Variants in RILP observed in about 807,000 individuals in gnomAD.
The protein encoded by RILP is rab-interacting lysosomal protein.
RILP carries 53 observed loss-of-function variants against 40.0 expected under a neutral mutation model. The observed-to-expected ratio is 1.32, with a 90% CI of 1.06 to 1.66. RILP has a LOEUF of 1.66. RILP is among the 40% of genes most tolerant of loss of function. The pLI is 0.00. For missense variants in RILP, 626 were observed against 551.7 expected (o/e 1.13, Z -1.35); for synonymous variants, 272 against 250.6 (o/e 1.09, Z -0.80).
Position 1,648,451 on chromosome 17 carries a change from C to G in RILP, c.720G>C (p.Gln240His). The G allele has an allele frequency of 6.2e-7, 1 of 1,614,052 alleles. No homozygotes were observed. The change falls in exon 5 of 8, where the codon CAG becomes CAC. Residue 240 changes from glutamine (Q) to histidine (H), a missense_variant. Coordinates refer to ENST00000301336, the MANE Select transcript of RILP (RefSeq NM_031430.3). The surrounding 1 kb of genome is among the most constrained non-coding windows in gnomAD (Gnocchi z 4.9). ...CAAACTCCTCCCGACTGAAGCGGCACTGCCCTGCCTCCGAGGGGCGCCCGA... is the reference window on the plus strand; with the variant it reads ...CAAACTCCTCCCGACTGAAGCGGCAGTGCCCTGCCTCCGAGGGGCGCCCGA... Reference protein sequence around the residue: ...QQLGRPSEAGQCRFSREEFEQ... With the variant: ...QQLGRPSEAGHCRFSREEFEQ...
rs61735419 is a variant in RILP at position 1,647,929 on chromosome 17, C to T, written c.850G>A (p.Gly284Ser). 51,804 of 1,614,020 alleles carry T rather than the reference C, an allele frequency of 0.032. 954 individuals are homozygous for T. The highest frequency in any genetic ancestry group is 0.041 in the Middle Eastern group (247 of 6,060). ...ACCTTCATGGCCTCGAGCAGAAGGC[C>T]GGGGACCCGGTGGTCTGTGAGCAGC... ...RELLTDHRVP[G>S]LLLEAMKVAV... The change falls in exon 6 of 8, where the codon GGC becomes AGC. Residue 284 changes from glycine to serine, a missense_variant. Physicochemically the swap from Gly to Ser is moderately conservative, Grantham distance 56. Transcript: ENST00000301336.
rs1910780331 is a variant in RILP at position 1,648,974 on chromosome 17, G to T, written c.500C>A (p.Thr167Asn). ...GCGGTCCTGCGCGGCGCGCAGCTGG[G>T]TCTGCATGGCCGCCAGCTTGTGCCG... ...ELRHKLAAMQ[T>N]QLRAAQDRER... The change falls in exon 4 of 8, where the codon ACC (threonine) becomes AAC (asparagine). Residue 167 changes from threonine (T) to asparagine (N), a missense_variant. By Grantham distance (65) the Thr-to-Asn change is moderately conservative. Transcript: ENST00000301336. This position sits in a 1 kb window ranked among gnomAD's most constrained non-coding sequence, Gnocchi z 4.9. 6.7e-7 allele frequency: 1 copy of T among 1,498,124 alleles called. No homozygotes were observed. The allele number at this position is 1,498,124 out of a possible 1,614,324, so 92.8% of individuals were successfully genotyped here.
At position 1,647,967 on chromosome 17, in the gene RILP, A is replaced by C; in HGVS notation, c.822-10T>G. ...GTCTGTGAGCAGCTCCCTAAAGAAA[A>C]GGGGCAGGGAGGGAGAAAGCCCTGG... On this transcript the variant is annotated splice_polypyrimidine_tract_variant and intron_variant, in intron 5 of 7. Coordinates refer to ENST00000301336, the MANE Select transcript of RILP (RefSeq NM_031430.3). 1 of 1,613,404 alleles carries C rather than the reference A, an allele frequency of 6.2e-7. No individual in the cohort carries two copies. Among genetic ancestry groups the C allele is most frequent in the Non-Finnish European group, 8.5e-7 (1 of 1,179,896 alleles).
Position 1,649,727 on chromosome 17 carries a change from C to T in RILP, c.78G>A (p.Glu26=), listed in dbSNP as rs754813569. 1.3e-6 allele frequency: 2 copies of T among 1,591,698 alleles called. No individual in the cohort carries two copies. The highest frequency in any genetic ancestry group is 1.7e-5 in the Admixed American group (1 of 59,114). Reference sequence around the variant, plus strand: ...GGGCCCCGGCTAGATGGTACACAAGCTCCGCGGCCGATGCCGACCCCGCGG... The same window carrying T: ...GGGCCCCGGCTAGATGGTACACAAGTTCCGCGGCCGATGCCGACCCCGCGG... ...REAAGSASAA[E]LVYHLAGALG... The change falls in exon 1 of 8, where the codon GAG becomes GAA. Residue 26 remains glutamate (E), a synonymous_variant. Transcript: ENST00000301336. This position sits in a 1 kb window ranked among gnomAD's most constrained non-coding sequence, Gnocchi z 4.3.
Position 1,647,959 on chromosome 17 carries a change from T to A in RILP, c.822-2A>T. On this transcript the variant is annotated splice_acceptor_variant, in intron 5 of 7. Coordinates refer to ENST00000301336, the MANE Select transcript of RILP (RefSeq NM_031430.3). LOFTEE classifies it high-confidence loss of function. ...ACCCGGTGGTCTGTGAGCAGCTCCC[T>A]AAAGAAAAGGGGCAGGGAGGGAGAA... The A allele has an allele frequency of 6.2e-7, 1 of 1,613,692 alleles. No homozygotes were observed. The highest frequency in any genetic ancestry group is 8.5e-7 in the Non-Finnish European group (1 of 1,179,910).
Position 1,649,044 on chromosome 17 carries a change from A to G in RILP, c.430T>C (p.Leu144=). The change falls in exon 4 of 8, where the codon TTG becomes CTG. Residue 144 remains leucine, a splice_region_variant and synonymous_variant. Transcript: ENST00000301336. The surrounding 1 kb of genome is among the most constrained non-coding windows in gnomAD (Gnocchi z 4.3). ...LRQRGQETEA[L]QEQLQRLLLV... ...AGGAGGCGCTGCAGCTGCTCCTGCA[A>G]CTGGGAGCGGAGCAAAGGGTGGGGT... 1.2e-5 allele frequency: 7 copies of G among 564,482 alleles called. No individual in the cohort carries two copies. The highest frequency in any genetic ancestry group is 1.7e-5 in the Non-Finnish European group (7 of 402,378). 35.0% of individuals were successfully genotyped at this position (564,482 alleles called of 1,614,324 possible). A position where few individuals can be genotyped will look rare whatever the true frequency, so the allele number is the denominator to read the frequency against.
In RILP at chr17:1,648,104, A is replaced by G. The variant is rs1910720386; in HGVS notation, c.822-147T>C. 4.9e-6 allele frequency: 6 copies of G among 1,223,046 alleles called. No homozygotes were observed. In the South Asian group the frequency reaches 5.8e-5, roughly 12 times the overall value. The allele number at this position is 1,223,046 out of a possible 1,614,324, so 75.8% of individuals were successfully genotyped here. On this transcript the variant is annotated intron_variant, in intron 5 of 7. Coordinates refer to ENST00000301336, the MANE Select transcript of RILP (RefSeq NM_031430.3). This position sits in a 1 kb window ranked among gnomAD's most constrained non-coding sequence, Gnocchi z 4.9. ...ACGGGAAGCGCTCTGCCTTGCTGAC[A>G]CCCTCAGACCTTAAATTAGGTGGCC... is the stretch of plus-strand genomic sequence containing the variant.
At position 1,649,373 on chromosome 17, in the gene RILP, G is replaced by C; in HGVS notation, c.322+39C>G. ...CGGGAGGGAGGGGAGGACCCGAGCA[G>C]GTCGTCACCCGCCCTGCCCTGGCCG... On this transcript the variant is annotated intron_variant, in intron 2 of 7. Transcript: ENST00000301336. The surrounding 1 kb of genome is among the most constrained non-coding windows in gnomAD (Gnocchi z 4.3). 2.0e-6 allele frequency: 3 copies of C among 1,494,642 alleles called. No homozygotes were observed. Among genetic ancestry groups the C allele is most frequent in the African/African-American group, 1.5e-5 (1 of 68,790 alleles). 92.6% of individuals were successfully genotyped at this position (1,494,642 alleles called of 1,614,324 possible). A position where few individuals can be genotyped will look rare whatever the true frequency, so the allele number is the denominator to read the frequency against.
At chr17:1,647,082 C>A in intron 6 of RILP, 93 bp from the exon 7 acceptor site, 1 of 751,188 alleles carries the variant, frequency 1.3e-6, no homozygotes, top group East Asian at 3.0e-5. Flanking sequence ...GACTGCAGGG[C>A]CCCCGGGGCT....
Position 1,647,870 on chromosome 17 carries a change from G to A in RILP, c.909C>T (p.Ala303=), listed in dbSNP as rs1248481832. 6.2e-7 allele frequency: 1 copy of A among 1,614,000 alleles called. No homozygotes were observed. Among genetic ancestry groups the A allele is most frequent in the East Asian group, 2.2e-5 (1 of 44,890 alleles). ...CTTCCTCTGGTGTCCCTAACATCTTGGCCTTGATCTTCTTCCGCTGCTTCC... is the reference window on the plus strand; with the variant it reads ...CTTCCTCTGGTGTCCCTAACATCTTAGCCTTGATCTTCTTCCGCTGCTTCC... The part of the protein sequence containing the change: ...AVRKQRKKIK[A]KMLGTPEEAE... Residue 303 remains alanine, a synonymous_variant, in exon 6 of 8, where the codon GCC becomes GCT. Coordinates refer to ENST00000301336, the MANE Select transcript of RILP (RefSeq NM_031430.3).
chr17:1,646,978 G>A lies in RILP; in HGVS notation c.956C>T (p.Ala319Val). The change falls in exon 7 of 8, where the codon GCT (alanine) becomes GTT (valine). Residue 319 changes from alanine to valine, a missense_variant. Ala to Val is a moderately conservative substitution (Grantham distance 64). Transcript: ENST00000301336. The surrounding 1 kb of genome is among the most constrained non-coding windows in gnomAD (Gnocchi z 4.3). ...PEEAESSEDE[A>V]GPWILLSDDK... ...ATCGGAGAGCAGGATCCATGGGCCA[G>A]CCTCATCCTCACTGAGACAGAGGAG... 2 of 1,606,912 alleles carry A rather than the reference G, an allele frequency of 1.2e-6. No individual in the cohort carries two copies. Among genetic ancestry groups the A allele is most frequent in the South Asian group, 2.2e-5 (2 of 90,012 alleles).
rs1910777728 is a variant in RILP at position 1,648,951 on chromosome 17, G to A, written c.523C>T (p.Arg175Cys). 1 of 1,513,270 alleles carries A rather than the reference G, an allele frequency of 6.6e-7. No homozygotes were observed. The highest frequency in any genetic ancestry group is 8.8e-7 in the Non-Finnish European group (1 of 1,137,870). The allele number at this position is 1,513,270 out of a possible 1,614,324, so 93.7% of individuals were successfully genotyped here. Residue 175 changes from arginine (R) to cysteine (C), a missense_variant, in exon 4 of 8, where the codon CGC becomes TGC. Coordinates refer to ENST00000301336, the MANE Select transcript of RILP (RefSeq NM_031430.3). The surrounding 1 kb of genome is among the most constrained non-coding windows in gnomAD (Gnocchi z 4.9). ...MQTQLRAAQD[R>C]ERERQQPGEA... is the part of the protein sequence containing the mutation. Reference sequence around the variant, plus strand: ...CCAGGCTGCTGGCGCTCCCTCTCGCGGTCCTGCGCGGCGCGCAGCTGGGTC... The same window carrying A: ...CCAGGCTGCTGGCGCTCCCTCTCGCAGTCCTGCGCGGCGCGCAGCTGGGTC...
Position 1,649,541 on chromosome 17 carries a change from G to C in RILP, c.228+36C>G. On this transcript the variant is annotated intron_variant, in intron 1 of 7. Coordinates refer to ENST00000301336, the MANE Select transcript of RILP (RefSeq NM_031430.3). This position sits in a 1 kb window ranked among gnomAD's most constrained non-coding sequence, Gnocchi z 4.3. ...CCGGGTCTCAGGCTTCGGCCCTGCC[G>C]GCCCCGTGGGTGGCGAAGGGAGGGC... The C allele has an allele frequency of 6.6e-7, 1 of 1,508,976 alleles. No homozygotes were observed. The highest frequency in any genetic ancestry group is 8.8e-7 in the Non-Finnish European group (1 of 1,135,788). The allele number at this position is 1,508,976 out of a possible 1,614,324, so 93.5% of individuals were successfully genotyped here. A position where few individuals can be genotyped will look rare whatever the true frequency, so the allele number is the denominator to read the frequency against.
In RILP at chr17:1,646,602, C is replaced by T. The variant is rs75242198; in HGVS notation, c.1046G>A (p.Arg349Gln). The stretch of plus-strand genomic sequence containing the variant: ...ATCCTCAGAGGATTCAGCTTTACCC[C>T]GATACCATAGGCCAAAGCTGGAGAG... Reference protein sequence around the residue: ...KIQSFFGLWYRGKAESSEDET... With the variant: ...KIQSFFGLWYQGKAESSEDET... Residue 349 changes from arginine (R) to glutamine (Q), a missense_variant, in exon 8 of 8, where the codon CGG becomes CAG. Physicochemically the swap from Arg to Gln is conservative, Grantham distance 43 (BLOSUM62 1). Coordinates refer to ENST00000301336, the MANE Select transcript of RILP (RefSeq NM_031430.3). This position sits in a 1 kb window ranked among gnomAD's most constrained non-coding sequence, Gnocchi z 4.3. 862 of 1,585,980 alleles carry T rather than the reference C, an allele frequency of 5.4e-4. 9 individuals are homozygous for T. In the African/African-American group the frequency reaches 0.01, roughly 19 times the overall value.
Position 1,649,662 on chromosome 17 carries a change from G to A in RILP, c.143C>T (p.Pro48Leu), listed in dbSNP as rs373790644. The A allele has an allele frequency of 1.3e-6, 2 of 1,588,914 alleles. No homozygotes were observed. The highest frequency in any genetic ancestry group is 1.3e-5 in the African/African-American group (1 of 74,604). ...CGGCACCAGCCCGGCCGCCGCCTCC[G>A]GCCCGAAACGGCGCGCCAGATCCTG... ...ELQDLARRFG[P>L]EAAAGLVPLV... The change falls in exon 1 of 8, where the codon CCG becomes CTG. Residue 48 changes from proline (P) to leucine (L), a missense_variant. Physicochemically the swap from Pro to Leu is moderately conservative, Grantham distance 98. Transcript: ENST00000301336. This position sits in a 1 kb window ranked among gnomAD's most constrained non-coding sequence, Gnocchi z 4.3.
At position 1,646,709 on chromosome 17, in the gene RILP, GA is replaced by G; in HGVS notation, c.1029-91del. The G allele has an allele frequency of 7.3e-7, 1 of 1,373,734 alleles. No individual in the cohort carries two copies. Among genetic ancestry groups the G allele is most frequent in the East Asian group, 2.3e-5 (1 of 42,792 alleles). The allele number at this position is 1,373,734 out of a possible 1,614,324, so 85.1% of individuals were successfully genotyped here. ...GGCAGGGGATGGTGAGAAAAGGGGA[GA>G]GGGGGAAGAAAGGGCAGCCTGAGGG... On this transcript the variant is annotated intron_variant, in intron 7 of 7. Coordinates refer to ENST00000301336, the MANE Select transcript of RILP (RefSeq NM_031430.3). This position sits in a 1 kb window ranked among gnomAD's most constrained non-coding sequence, Gnocchi z 4.3.
intron 6 of RILP, among the ~76,000 whole-genome samples, chr17:1,647,274 G>A (rs568420052): frequency 6.6e-6 from 1 of 152,170 alleles, no homozygotes; most frequent in African/African-American, 2.4e-5. Context: ...TGAGTAGCTG[G>A]GATTATAGGC....
Position 1,649,228 on chromosome 17 carries a change from A to T in RILP, c.401T>A (p.Leu134Gln), listed in dbSNP as rs1395014994. 12 of 1,275,866 alleles carry T rather than the reference A, an allele frequency of 9.4e-6. No homozygotes were observed. Among genetic ancestry groups the T allele is most frequent in the South Asian group, 1.3e-5 (1 of 76,682 alleles). The allele number at this position is 1,275,866 out of a possible 1,614,324, so 79.0% of individuals were successfully genotyped here. The change falls in exon 3 of 8, where the codon CTG (leucine) becomes CAG (glutamine). Residue 134 changes from leucine (L) to glutamine (Q), a missense_variant. Coordinates refer to ENST00000301336, the MANE Select transcript of RILP (RefSeq NM_031430.3). This position sits in a 1 kb window ranked among gnomAD's most constrained non-coding sequence, Gnocchi z 4.3. ...CTCGGTCTCCTGGCCGCGCTGCCGC[A>T]GGTCGCGGTTGTGCGCCCGGAGTTC... ...RDELRAHNRD[L>Q]RQRGQETEAL...
In RILP at chr17:1,648,326, C is replaced by G. The variant is rs369849933; in HGVS notation, c.821+24G>C. The G allele has an allele frequency of 6.2e-7, 1 of 1,608,820 alleles. No individual in the cohort carries two copies. The highest frequency in any genetic ancestry group is 1.3e-5 in the African/African-American group (1 of 75,006). ...AGAATGAGGTGGGGTGATCGGAGGC[C>G]CCCCGGCTTCCCAGCGTCCTCACCG... On this transcript the variant is annotated intron_variant, in intron 5 of 7. Transcript: ENST00000301336. This position sits in a 1 kb window ranked among gnomAD's most constrained non-coding sequence, Gnocchi z 4.9.
Sources: gnomAD v4.1 joint callset for allele counts (sites outside exome capture counted in the v4.1 genomes callset) on GRCh38, gnomAD v4.1.1 for gene constraint, Gnocchi (gnomAD v3.1) non-coding constraint, MANE v1.5 for transcripts, NCBI Gene and HGNC (gene_info 2026-07-23, HGNC 2026-07-21) for gene names.